Variants in RANBP2 observed in about 807,000 individuals in gnomAD.
The protein encoded by RANBP2 is RAN binding protein 2.
In RANBP2, 57 loss-of-function variants were observed where a neutral mutation model predicts 303.6. The observed-to-expected ratio is 0.19, with a 90% confidence interval of 0.15 to 0.23. RANBP2 has a LOEUF of 0.23. RANBP2 is among the 10% of genes least tolerant of loss of function. The probability of loss-of-function intolerance (pLI) is 1.00; values close to 1 mark genes in which losing one functional copy is unlikely to be tolerated. For synonymous variants in RANBP2, 1,167 were observed against 1,301.5 expected, an observed-to-expected ratio of 0.90 and a Z score of 2.23; for missense variants, 3,138 against 3,780.8, an observed-to-expected ratio of 0.83 and a Z score of 4.46.
At chr2:109,014,265 T>C in the RANBP2 span, among the ~76,000 whole-genome samples, 1 of 152,194 alleles carries the variant, frequency 6.6e-6, no homozygotes, top group African/African-American at 2.4e-5. Flanking sequence ...GGATCCTGGA[T>C]AGGGATGAGG....
chr2:109,371,557 T>TTGTG, the RANBP2 span: 1 of 1,598,908 alleles, frequency 6.3e-7, no homozygotes, highest in Non-Finnish European at 8.6e-7. Context: ...GTCCGTATGC[T>TTGTG]TGTGTCCACG....
At chr2:109,550,432 C>T in the RANBP2 span, among the ~76,000 whole-genome samples, 1 of 151,768 alleles carries the variant, frequency 6.6e-6, no homozygotes, top group African/African-American at 2.4e-5. Flanking sequence ...CCTGCCTCAA[C>T]CTCCTGAGTA....
At chr2:109,172,888 A>G in the RANBP2 span, among the ~76,000 whole-genome samples, 1 of 152,242 alleles carries the variant, frequency 6.6e-6, no homozygotes, top group Non-Finnish European at 1.5e-5. Context: ...CTTCCAAAAT[A>G]AACGTGCATG....
At chr2:109,721,350 C>T in the RANBP2 span, among the ~76,000 whole-genome samples, 14 of 152,266 alleles carry the variant, frequency 9.2e-5, 1 homozygote, top group Admixed American at 6.5e-4. Flanking sequence ...TGATGGAACA[C>T]AGGACGTGTG....
At chr2:109,719,352 G>A in the RANBP2 span, among the ~76,000 whole-genome samples, 1 of 149,460 alleles carries the variant, frequency 6.7e-6, no homozygotes, top group Non-Finnish European at 1.5e-5. Flanking sequence ...CTCCCACCTT[G>A]GCCTCCCAAA....
chr2:109,243,624 G>T, the RANBP2 span, among the ~76,000 whole-genome samples: 16 of 152,260 alleles, frequency 1.1e-4, no homozygotes, highest in Admixed American at 2.0e-4. Context: ...TAAAGAGATG[G>T]TGTCTAAACT....
the RANBP2 span, among the ~76,000 whole-genome samples, chr2:109,635,395 C>T: frequency 6.6e-6 from 1 of 152,174 alleles, no homozygotes; most frequent in Non-Finnish European, 1.5e-5. Flanking sequence ...GTTGGCCAGG[C>T]TGGCCTCGAA....
At chr2:109,602,206 A>C in the RANBP2 span, among the ~76,000 whole-genome samples, 1 of 152,188 alleles carries the variant, frequency 6.6e-6, no homozygotes, top group Admixed American at 6.5e-5. Flanking sequence ...AGATTTTATG[A>C]CTATAACTTG....
chr2:109,408,821 T>G, the RANBP2 span, among the ~76,000 whole-genome samples: 7 of 152,344 alleles, frequency 4.6e-5, 1 homozygote, highest in East Asian at 1.4e-3. Context: ...TATGCAAAGC[T>G]GGATGGAGAA....
chr2:109,059,581 A>T, the RANBP2 span, among the ~76,000 whole-genome samples: 1 of 151,866 alleles, frequency 6.6e-6, no homozygotes, highest in Non-Finnish European at 1.5e-5. Flanking sequence ...GTCTCAAAAA[A>T]AAAAAAAGGT....
At chr2:108,992,041 C>T in the RANBP2 span, among the ~76,000 whole-genome samples, 1 of 152,152 alleles carries the variant, frequency 6.6e-6, no homozygotes, top group Non-Finnish European at 1.5e-5. Context: ...TTCAAGTGAT[C>T]CTCCTGCCTC....
chr2:108,755,237 G>A lies in RANBP2; in HGVS notation c.2444G>A (p.Cys815Tyr). 1 of 1,611,690 alleles carries A rather than the reference G, an allele frequency of 6.2e-7. No individual in the cohort carries two copies. Among genetic ancestry groups the A allele is most frequent in the East Asian group, 2.2e-5 (1 of 44,858 alleles). Residue 815 changes from cysteine (C) to tyrosine (Y), a missense_variant, in exon 17 of 29, where the codon TGC (cysteine) becomes TAC (tyrosine). This residue lies in a region of RANBP2 where 194 missense variants were observed against 197.4 expected (regional missense o/e 0.98). Coordinates refer to ENST00000283195, the MANE Select transcript of RANBP2 (RefSeq NM_006267.5). The part of the protein sequence containing the change: ...EDQNSLLKMI[C>Y]QQVEAIKKEM... ...CAGAATTCTTTACTGAAAATGATTT[G>A]CCAACAAGTAGAGGCCATTAAGGTA...
the RANBP2 span, among the ~76,000 whole-genome samples, chr2:109,261,073 T>A: frequency 0.25 from 38,450 of 152,030 alleles, 5,277 homozygotes; most frequent in East Asian, 0.46. Context: ...GCCTGAAGTG[T>A]CTTACACGGG....
the RANBP2 span, among the ~76,000 whole-genome samples, chr2:108,843,779 G>A: frequency 2.0e-5 from 3 of 147,938 alleles, no homozygotes; most frequent in Non-Finnish European, 4.5e-5. Flanking sequence ...AGTTTCTTCA[G>A]TCTCTGGGCA....
the RANBP2 span, among the ~76,000 whole-genome samples, chr2:109,386,030 C>T: frequency 6.6e-6 from 1 of 152,140 alleles, no homozygotes; most frequent in African/African-American, 2.4e-5. Context: ...TTGGATCCAG[C>T]TGAGGGATGA....
At chr2:108,991,503 T>C in the RANBP2 span, among the ~76,000 whole-genome samples, 2 of 152,196 alleles carry the variant, frequency 1.3e-5, no homozygotes, top group African/African-American at 4.8e-5. Flanking sequence ...GAATGTAATT[T>C]AGAACAAATG....
chr2:109,002,394 G>C, the RANBP2 span, among the ~76,000 whole-genome samples: 1 of 152,154 alleles, frequency 6.6e-6, no homozygotes, highest in African/African-American at 2.4e-5. Context: ...TGTCTCCCTT[G>C]AACCACTGCT....
chr2:109,348,832 C>G, the RANBP2 span, among the ~76,000 whole-genome samples: 1 of 152,122 alleles, frequency 6.6e-6, no homozygotes, highest in African/African-American at 2.4e-5. Flanking sequence ...CCCGCCGCCC[C>G]CAGATGTAAA....
chr2:109,620,453 G>A, the RANBP2 span, among the ~76,000 whole-genome samples: 2 of 152,204 alleles, frequency 1.3e-5, no homozygotes, highest in Non-Finnish European at 2.9e-5. Context: ...TGTAATCCCA[G>A]CACTTTGGGA....
Sources: allele counts gnomAD v4.1 joint callset (sites outside exome capture counted in the v4.1 genomes callset), GRCh38; gene constraint gnomAD v4.1.1; regional missense constraint gnomAD v4.1.1; transcripts MANE v1.5; gene names NCBI Gene and HGNC (gene_info 2026-07-23, HGNC 2026-07-21).